FOXP2: variants seen among roughly 807,000 people sequenced by gnomAD.
FOXP2 encodes forkhead box protein P2.
In FOXP2, 12 loss-of-function variants were observed where a neutral mutation model predicts 115.8. The ratio of observed to expected loss-of-function variants is 0.10; its 90% confidence interval spans 0.07 to 0.17. The LOEUF is 0.17. Ranked by LOEUF, FOXP2 falls within the 10% of genes least tolerant of loss-of-function variation. The probability of loss-of-function intolerance (pLI) is 1.00; values close to 1 mark genes in which losing one functional copy is unlikely to be tolerated. For synonymous variants in FOXP2, 328 were observed against 297.7 expected, an observed-to-expected ratio of 1.10 and a Z score of -1.05; for missense variants, 629 against 843.5, an observed-to-expected ratio of 0.75 and a Z score of 3.15.
chr7:114,578,762 A>G (rs567836486), intron 3 of FOXP2, among the ~76,000 whole-genome samples: 4 of 152,098 alleles, frequency 2.6e-5, no homozygotes, highest in Non-Finnish European at 5.9e-5. Context: ...TTAAGGTCTC[A>G]ATCATATCTA....
At chr7:114,514,085 A>G (rs1798207037) in intron 2 of FOXP2, among the ~76,000 whole-genome samples, 1 of 94,360 alleles carries the variant, frequency 1.1e-5, no homozygotes, top group South Asian at 3.7e-4. Context: ...ATTGTATCTT[A>G]TACACACACA....
At chr7:114,352,696 C>T (rs1055746242) in intron 2 of FOXP2, among the ~76,000 whole-genome samples, 1 of 152,028 alleles carries the variant, frequency 6.6e-6, no homozygotes, top group Non-Finnish European at 1.5e-5. Flanking sequence ...AAAGGGCCCA[C>T]ACTAATGACC....
At chr7:114,493,950 A>C (rs1584805608) in intron 2 of FOXP2, among the ~76,000 whole-genome samples, 1 of 151,924 alleles carries the variant, frequency 6.6e-6, no homozygotes, top group African/African-American at 2.4e-5. Context: ...ATTTGTCTTT[A>C]ATTCACAGAA....
At chr7:114,586,966 C>T (rs1563017290) in intron 3 of FOXP2, among the ~76,000 whole-genome samples, 1 of 151,976 alleles carries the variant, frequency 6.6e-6, no homozygotes, top group Non-Finnish European at 1.5e-5. Context: ...GTACTACTAG[C>T]ACTAGCGTTA....
intron 1 of FOXP2, among the ~76,000 whole-genome samples, chr7:114,230,094 A>C (rs1794836746): frequency 1.3e-5 from 2 of 151,900 alleles, no homozygotes; most frequent in Non-Finnish European, 3.0e-5. Flanking sequence ...GACTACTGTG[A>C]ACAATTATAC....
intron 2 of FOXP2, among the ~76,000 whole-genome samples, chr7:114,489,283 A>G (rs1796928528): frequency 6.6e-6 from 1 of 152,134 alleles, no homozygotes; most frequent in South Asian, 2.1e-4. Context: ...TCACTAATTT[A>G]TATAAGTTGG....
chr7:114,633,893 C>G (rs1211137334), intron 6 of FOXP2, among the ~76,000 whole-genome samples: 2 of 152,066 alleles, frequency 1.3e-5, no homozygotes, highest in African/African-American at 2.4e-5. Flanking sequence ...TCACTTTTTA[C>G]CAGGTTTTTG....
chr7:114,493,811 T>G (rs1415769057), intron 2 of FOXP2, among the ~76,000 whole-genome samples: 1 of 151,610 alleles, frequency 6.6e-6, no homozygotes, highest in African/African-American at 2.4e-5. Context: ...TTCTGCATCA[T>G]GGAGACACTT....
At chr7:114,410,048 A>T (rs563545574), upstream of FOXP2, among the ~76,000 whole-genome samples, 27 of 152,084 alleles carry the variant, frequency 1.8e-4, no homozygotes, top group South Asian at 1.5e-3. Context: ...ATTTCCTCTT[A>T]AAAAAATCCT....
At chr7:114,188,287 C>A (rs577097024) in intron 1 of FOXP2, among the ~76,000 whole-genome samples, 1 of 152,276 alleles carries the variant, frequency 6.6e-6, no homozygotes, top group East Asian at 1.9e-4. Context: ...TGGCTCCTGC[C>A]TAGTTTTTCT....
intron 2 of FOXP2, among the ~76,000 whole-genome samples, chr7:114,491,669 G>C (rs1397504493): frequency 1.3e-5 from 2 of 151,958 alleles, no homozygotes; most frequent in Non-Finnish European, 2.9e-5. Flanking sequence ...AATCCATCTT[G>C]AATTAATTTT....
chr7:114,663,443 T>TC lies in FOXP2; in HGVS notation c.1770-7_1770-6insC. ...TATAAATGATCTTTATATATTTTTTTTTTCAGAAGTCCAACCTTAGTAAAA... is the reference window on the plus strand; with the variant it reads ...TATAAATGATCTTTATATATTTTTTTCTTTCAGAAGTCCAACCTTAGTAAAA... On this transcript the variant is annotated splice_polypyrimidine_tract_variant and splice_region_variant and intron_variant, in intron 14 of 16. Transcript: ENST00000350908. 6.3e-7 allele frequency: 1 copy of TC among 1,591,418 alleles called. No homozygotes were observed. Among genetic ancestry groups the TC allele is most frequent in the Non-Finnish European group, 8.6e-7 (1 of 1,161,148 alleles).
At chr7:114,132,796 A>G (rs1791927764) in intron 1 of FOXP2, among the ~76,000 whole-genome samples, 1 of 152,164 alleles carries the variant, frequency 6.6e-6, no homozygotes, top group South Asian at 2.1e-4. Context: ...AGGCCAGTAC[A>G]GCTGGTATAG....
intron 2 of FOXP2, among the ~76,000 whole-genome samples, chr7:114,467,745 G>C (rs1036667284): frequency 2.3e-4 from 35 of 152,114 alleles, no homozygotes; most frequent in African/African-American, 7.7e-4. Flanking sequence ...AGGAATTTAT[G>C]AATAGAAGAT....
chr7:114,455,373 T>A (rs941370367), intron 2 of FOXP2, among the ~76,000 whole-genome samples: 7 of 152,218 alleles, frequency 4.6e-5, no homozygotes, highest in Admixed American at 4.6e-4. Context: ...CCATTGTGTA[T>A]ATTGTGTAAT....
intron 2 of FOXP2, among the ~76,000 whole-genome samples, chr7:114,309,830 C>CTT (rs563195470): frequency 9.6e-4 from 131 of 136,074 alleles, no homozygotes; most frequent in African/African-American, 3.0e-3. Flanking sequence ...ACACTCAACT[C>CTT]TTTTTTTTTT....
chr7:114,304,668 T>A (rs1204329533), intron 2 of FOXP2, among the ~76,000 whole-genome samples: 1 of 43,448 alleles, frequency 2.3e-5, no homozygotes, highest in African/African-American at 9.8e-5. Context: ...AGACTCTGTC[T>A]CAAAAAAAAA....
In FOXP2 at chr7:114,109,453, C is replaced by T. The variant is rs138969536; in HGVS notation, c.-247+21615C>T. 3.7e-3 allele frequency among the ~76,000 whole-genome samples: 561 copies of T among 151,906 alleles called. 4 individuals are homozygous for T. Among genetic ancestry groups the T allele is most frequent in the African/African-American group, 0.013 (532 of 41,478 alleles). On this transcript the variant is annotated intron_variant, in intron 1 of 19. Coordinates refer to the FOXP2 transcript ENST00000635638. ...ATAATAAAATGAGAATGCAGTATGT[C>T]GAAATACAAACAGTAAGTTTTGAAA...
At chr7:114,514,972 GT>G (rs987195286) in intron 2 of FOXP2, among the ~76,000 whole-genome samples, 3 of 151,188 alleles carry the variant, frequency 2.0e-5, no homozygotes, top group African/African-American at 7.3e-5. Context: ...GCGGTGTTTG[GT>G]TTTTTGTTCT....
Sources: allele counts gnomAD v4.1 joint callset (sites outside exome capture counted in the v4.1 genomes callset), GRCh38; gene constraint gnomAD v4.1.1; transcripts MANE v1.5; gene names NCBI Gene and HGNC (gene_info 2026-07-23, HGNC 2026-07-21).